Variants in SAMMSON observed in about 807,000 individuals in gnomAD.
The protein encoded by SAMMSON is survival associated mitochondrial melanoma specific oncogenic non-coding RNA.
intron 9 of SAMMSON, among the ~76,000 whole-genome samples, chr3:70,366,432 A>G (rs2106743061): frequency 6.7e-6 from 1 of 148,750 alleles, no homozygotes; most frequent in African/African-American, 2.5e-5. Context: ...TAAACTTATT[A>G]ACGTATATTG....
At chr3:70,066,483 G>A (rs1416152766) in intron 3 of SAMMSON, among the ~76,000 whole-genome samples, 4 of 152,042 alleles carry the variant, frequency 2.6e-5, no homozygotes, top group Admixed American at 2.6e-4. Context: ...CTTGTGTAGT[G>A]TAAAGGGAAA....
intron 4 of SAMMSON, among the ~76,000 whole-genome samples, chr3:70,200,636 T>C (rs1249604672): frequency 2.6e-5 from 4 of 152,184 alleles, no homozygotes; most frequent in Admixed American, 6.5e-5. Flanking sequence ...GCACTGACCA[T>C]ACGATGGCAT....
At chr3:70,339,410 A>G (rs1273343754) in intron 7 of SAMMSON, among the ~76,000 whole-genome samples, 1 of 152,222 alleles carries the variant, frequency 6.6e-6, no homozygotes, top group Non-Finnish European at 1.5e-5. Context: ...AATGGGATCT[A>G]ATTAAACTAA....
chr3:70,210,144 A>G (rs1701329308), intron 4 of SAMMSON, among the ~76,000 whole-genome samples: 2 of 152,244 alleles, frequency 1.3e-5, no homozygotes, highest in Non-Finnish European at 2.9e-5. Flanking sequence ...CGGCGAATAC[A>G]GTATACAGCC....
intron 4 of SAMMSON, among the ~76,000 whole-genome samples, chr3:70,131,050 T>G (rs2067480471): frequency 6.6e-6 from 1 of 152,208 alleles, no homozygotes; most frequent in Admixed American, 6.5e-5. Flanking sequence ...ATTGTTTGGT[T>G]ACCACTGGTA....
chr3:70,392,896 G>A (rs1341392289), downstream of SAMMSON, among the ~76,000 whole-genome samples: 2 of 152,074 alleles, frequency 1.3e-5, no homozygotes, highest in Admixed American at 1.3e-4. Flanking sequence ...CAGAAGGCAC[G>A]GGCAGTAAGG....
At chr3:70,056,803 G>A (rs2067169612) in intron 3 of SAMMSON, among the ~76,000 whole-genome samples, 1 of 151,912 alleles carries the variant, frequency 6.6e-6, no homozygotes, top group Non-Finnish European at 1.5e-5. Flanking sequence ...CACTGTATTA[G>A]GCAGTGTTCA....
At chr3:70,108,807 G>T (rs2067377711) in intron 4 of SAMMSON, among the ~76,000 whole-genome samples, 1 of 152,016 alleles carries the variant, frequency 6.6e-6, no homozygotes, top group Non-Finnish European at 1.5e-5. Flanking sequence ...AACCTTGCTG[G>T]CATTTTGATC....
At chr3:70,378,978 C>CA (rs1559576542) in intron 9 of SAMMSON, among the ~76,000 whole-genome samples, 50 of 143,086 alleles carry the variant, frequency 3.5e-4, no homozygotes, top group African/African-American at 1.1e-3. Context: ...TATACTTACA[C>CA]TTTTATTTAT....
intron 3 of SAMMSON, among the ~76,000 whole-genome samples, chr3:70,057,042 T>A (rs1292952740): frequency 6.6e-6 from 1 of 152,048 alleles, no homozygotes; most frequent in Non-Finnish European, 1.5e-5. Flanking sequence ...GGCAGGAATG[T>A]ATGGATGTGA....
At chr3:70,136,787 G>A (rs1181595318) in intron 4 of SAMMSON, among the ~76,000 whole-genome samples, 1 of 152,174 alleles carries the variant, frequency 6.6e-6, no homozygotes, top group Admixed American at 6.6e-5. Flanking sequence ...AATGCAAAGT[G>A]TAGAATTTGA....
chr3:70,359,491 A>G (rs1249129109), intron 9 of SAMMSON, among the ~76,000 whole-genome samples: 1 of 152,162 alleles, frequency 6.6e-6, no homozygotes, highest in Non-Finnish European at 1.5e-5. Flanking sequence ...GTGGTTAGAA[A>G]AGCTCCACAA....
chr3:70,252,804 G>A (rs1303163177), intron 6 of SAMMSON, among the ~76,000 whole-genome samples: 3 of 152,128 alleles, frequency 2.0e-5, no homozygotes, highest in Non-Finnish European at 4.4e-5. Flanking sequence ...AGAAGGCCAG[G>A]CGCGGTGGCT....
chr3:70,003,064 G>A (rs2066912199), intron 1 of SAMMSON, among the ~76,000 whole-genome samples: 1 of 152,010 alleles, frequency 6.6e-6, no homozygotes, highest in African/African-American at 2.4e-5. Flanking sequence ...TAGAATTCCT[G>A]CATTTTCCTG....
chr3:70,290,950 C>T (rs570447046), intron 6 of SAMMSON, among the ~76,000 whole-genome samples: 6 of 152,260 alleles, frequency 3.9e-5, no homozygotes, highest in Admixed American at 2.0e-4. Flanking sequence ...CTGACCTGAG[C>T]CCACTGTCTG....
At chr3:70,407,313 A>T (rs1233924183) in intron 2 of SAMMSON, among the ~76,000 whole-genome samples, 10 of 152,116 alleles carry the variant, frequency 6.6e-5, no homozygotes, top group Non-Finnish European at 1.0e-4. Context: ...CAGTCCCCCA[A>T]AGTCTTAACT....
rs73838064 is a variant in SAMMSON, at chr3:70,126,033, C to A, written n.507+54468C>A. ...CAGTAATTGATCTAAAAGCTGTGGG[C>A]AAATTCATTTTATTCATAAGATGAA... is the stretch of plus-strand genomic sequence containing the variant. On this transcript the variant is annotated intron_variant and non_coding_transcript_variant, in intron 4 of 9. Coordinates refer to ENST00000642114, the Ensembl canonical transcript of SAMMSON. 3,261 of 961,024 alleles carry A rather than the reference C, an allele frequency of 3.4e-3. 83 individuals are homozygous for A. The African/African-American group carries it at 0.044, about 13-fold the overall frequency. 59.5% of individuals were successfully genotyped at this position (961,024 alleles called of 1,614,324 possible). A position where few individuals can be genotyped will look rare whatever the true frequency, so the allele number is the denominator to read the frequency against.
chr3:70,197,676 C>G (rs1701195657), intron 4 of SAMMSON, among the ~76,000 whole-genome samples: 1 of 152,184 alleles, frequency 6.6e-6, no homozygotes, highest in Non-Finnish European at 1.5e-5. Context: ...CACCCATATT[C>G]CAGTGCAAGC....
chr3:70,291,113 G>A (rs1175424009), intron 6 of SAMMSON: 2 of 152,160 alleles, frequency 1.3e-5, no homozygotes, highest in Non-Finnish European at 2.9e-5. Context: ...TGAAGGAAAA[G>A]AATATCATTG....
Sources: gnomAD v4.1 joint callset for allele counts (sites outside exome capture counted in the v4.1 genomes callset) on GRCh38, gnomAD v4.1.1 for gene constraint, MANE v1.5 for transcripts, NCBI Gene and HGNC (gene_info 2026-07-23, HGNC 2026-07-21) for gene names.